METTL15: variants seen among roughly 807,000 people sequenced by gnomAD.
The protein encoded by METTL15 is 12S rRNA N(4)-cytidine methyltransferase METTL15.
METTL15 carries 34 observed loss-of-function variants against 38.3 expected under a neutral mutation model. That is an observed-to-expected ratio of 0.89 (90% CI 0.68 to 1.18). METTL15 has a LOEUF of 1.18. METTL15 is among the 50% of genes most tolerant of loss of function. The pLI is 0.00. For synonymous variants in METTL15, 162 were observed against 170.9 expected (o/e 0.95, Z 0.41); for missense variants, 438 against 498.4 (o/e 0.88, Z 1.15).
chr11:28,482,176 T>C (rs1851401032), intron 6 of METTL15, among the ~76,000 whole-genome samples: 1 of 152,232 alleles, frequency 6.6e-6, no homozygotes, highest in Non-Finnish European at 1.5e-5. Context: ...ACTTCTCTAA[T>C]GGCTGGAGGC....
chr11:28,309,455 A>G (rs1448631950), intron 6 of METTL15, among the ~76,000 whole-genome samples: 1 of 152,102 alleles, frequency 6.6e-6, no homozygotes, highest in Non-Finnish European at 1.5e-5. Flanking sequence ...ATTACCTTTC[A>G]TCTTTACTAA....
chr11:28,185,544 A>G (rs939384526), intron 3 of METTL15, among the ~76,000 whole-genome samples: 1 of 151,446 alleles, frequency 6.6e-6, no homozygotes. Flanking sequence ...GTTGCCATCA[A>G]TTTTATTAGT....
At chr11:28,336,353 C>CAG, downstream of METTL15, among the ~76,000 whole-genome samples, 1 of 152,240 alleles carries the variant, frequency 6.6e-6, no homozygotes, top group African/African-American at 2.4e-5. Context: ...GGCCAACCTA[C>CAG]AGAGTCTTTA....
At chr11:28,440,877 C>T (rs1336232889) in intron 6 of METTL15, among the ~76,000 whole-genome samples, 1 of 152,138 alleles carries the variant, frequency 6.6e-6, no homozygotes, top group African/African-American at 2.4e-5. Flanking sequence ...TCAAGAATTG[C>T]ACTGTTCAAT....
chr11:28,379,817 T>G (rs141532976), intron 5 of METTL15, among the ~76,000 whole-genome samples: 4 of 152,320 alleles, frequency 2.6e-5, no homozygotes, highest in Non-Finnish European at 4.4e-5. Flanking sequence ...TTGTTGAACG[T>G]TCTGCTATTA....
chr11:28,415,174 C>A (rs1850762328), intron 5 of METTL15, among the ~76,000 whole-genome samples: 1 of 152,078 alleles, frequency 6.6e-6, no homozygotes, highest in African/African-American at 2.4e-5. Context: ...AAATAGCAAG[C>A]AAGGGAGAAA....
intron 3 of METTL15, among the ~76,000 whole-genome samples, chr11:28,202,889 C>T (rs923642448): frequency 6.6e-6 from 1 of 151,912 alleles, no homozygotes; most frequent in African/African-American, 2.4e-5. Flanking sequence ...AAGATCTGCC[C>T]TCATACTGTT....
chr11:28,305,582 T>C (rs1857055971), intron 6 of METTL15, among the ~76,000 whole-genome samples: 1 of 152,094 alleles, frequency 6.6e-6, no homozygotes, highest in Non-Finnish European at 1.5e-5. Flanking sequence ...GTGCTCCTGA[T>C]TATAACACTG....
chr11:28,224,354 C>A (rs1006333660), intron 4 of METTL15, among the ~76,000 whole-genome samples: 1 of 151,808 alleles, frequency 6.6e-6, no homozygotes, highest in African/African-American at 2.4e-5. Flanking sequence ...TTCTGTATCC[C>A]AATCCAGAAG....
intron 5 of METTL15, among the ~76,000 whole-genome samples, chr11:28,414,882 T>G (rs998648195): frequency 2.6e-5 from 4 of 152,200 alleles, no homozygotes; most frequent in Admixed American, 2.6e-4. Context: ...TGTAGTAGAT[T>G]CTTAATCCGA....
chr11:28,168,870 G>T (rs1441876340), intron 3 of METTL15, among the ~76,000 whole-genome samples: 1 of 152,050 alleles, frequency 6.6e-6, no homozygotes, highest in Non-Finnish European at 1.5e-5. Flanking sequence ...ACTGAAAACA[G>T]AGGGCAATTC....
chr11:28,367,381 G>A (rs182222561), intron 5 of METTL15, among the ~76,000 whole-genome samples: 1 of 152,120 alleles, frequency 6.6e-6, no homozygotes, highest in Non-Finnish European at 1.5e-5. Context: ...AAATGTTTGA[G>A]AGGACCCTAG....
At chr11:28,322,276 A>G (rs1205460098) in intron 6 of METTL15, among the ~76,000 whole-genome samples, 1 of 152,100 alleles carries the variant, frequency 6.6e-6, no homozygotes, top group African/African-American at 2.4e-5. Flanking sequence ...ATAGTTGACA[A>G]AAGGTTAATA....
At chr11:28,389,414 A>G (rs1377062807) in intron 5 of METTL15, among the ~76,000 whole-genome samples, 1 of 119,156 alleles carries the variant, frequency 8.4e-6, no homozygotes, top group Non-Finnish European at 1.6e-5. Context: ...CCAGAGTGTG[A>G]TGTTCCCCTT....
intron 3 of METTL15, among the ~76,000 whole-genome samples, chr11:28,201,979 G>A (rs1029416690): frequency 3.3e-5 from 5 of 152,060 alleles, no homozygotes; most frequent in Non-Finnish European, 5.9e-5. Context: ...AAATGCAAAG[G>A]CCAGAATATG....
downstream of METTL15, among the ~76,000 whole-genome samples, chr11:28,337,481 G>T (rs1478977700): frequency 1.3e-5 from 2 of 151,968 alleles, no homozygotes; most frequent in African/African-American, 2.4e-5. Flanking sequence ...CTCCCAAAGT[G>T]CTAGGACTAT....
At chr11:28,456,062 G>C (rs1208261368) in intron 6 of METTL15, among the ~76,000 whole-genome samples, 1 of 151,892 alleles carries the variant, frequency 6.6e-6, no homozygotes, top group Admixed American at 6.6e-5. Flanking sequence ...CTGGCATGCA[G>C]TGGCACGATC....
chr11:28,148,253 GAAAGA>G (rs1337447329), intron 3 of METTL15, among the ~76,000 whole-genome samples: 1 of 151,870 alleles, frequency 6.6e-6, no homozygotes, highest in Non-Finnish European at 1.5e-5. Flanking sequence ...AATTGGAAAG[GAAAGA>G]AATCAATTTT....
rs773923142 is a variant in METTL15 at position 28,374,121 on chromosome 11, T to C, written c.*358+12085T>C. ...GTGTGATGTCTCCAGCTTTGTTCTT[T>C]TGGCTTAGGATTGACATGGCGATGC... On this transcript the variant is annotated intron_variant and NMD_transcript_variant, in intron 5 of 7. Transcript: ENST00000532947. Among the ~76,000 whole-genome samples, 7 of 152,306 alleles carry C rather than the reference T, an allele frequency of 4.6e-5. No individual in the cohort carries two copies. In the South Asian group the frequency reaches 1.2e-3, roughly 27 times the overall value.
Sources: gnomAD v4.1 joint callset for allele counts (sites outside exome capture counted in the v4.1 genomes callset) on GRCh38, gnomAD v4.1.1 for gene constraint, MANE v1.5 for transcripts, NCBI Gene and HGNC (gene_info 2026-07-23, HGNC 2026-07-21) for gene names.